DNAAF9: variants seen among roughly 807,000 people sequenced by gnomAD.
DNAAF9 encodes the protein dynein axonemal assembly factor 9.
DNAAF9 carries 90 observed loss-of-function variants against 167.0 expected under a neutral mutation model. The ratio of observed to expected loss-of-function variants is 0.54; its 90% CI spans 0.45 to 0.64. The LOEUF is 0.64. DNAAF9 is among the 30% of genes least tolerant of loss of function. DNAAF9 has a pLI of 0.00. For missense variants in DNAAF9, 1,315 were observed against 1,442.2 expected (o/e 0.91, Z 1.43); for synonymous variants, 491 against 508.8 (o/e 0.96, Z 0.47).
chr20:3,353,682 T>C (rs2123155959), intron 7 of DNAAF9, among the ~76,000 whole-genome samples: 1 of 135,262 alleles, frequency 7.4e-6, no homozygotes, highest in South Asian at 2.4e-4. Context: ...GAACACACTG[T>C]GTTTCAATTC....
In DNAAF9 at chr20:3,249,894, G is replaced by A. The variant is rs1261607628; in HGVS notation, c.*2678C>T. 1 of 151,834 alleles carries A rather than the reference G, an allele frequency of 6.6e-6. No individual in the cohort carries two copies. Among genetic ancestry groups the A allele is most frequent in the African/African-American group, 2.4e-5 (1 of 41,110 alleles). 9.4% of individuals were successfully genotyped at this position (151,834 alleles called of 1,614,324 possible). On this transcript the variant is annotated 3_prime_UTR_variant, in exon 37 of 37. Transcript: ENST00000252032. ...CAGATAGCCCCCAGGGCTCAGAGGG[G>A]CCGGCTCAACTCCTTGCCAACGGCC...
At chr20:3,309,284 T>A (rs1280493966) in intron 20 of DNAAF9, among the ~76,000 whole-genome samples, 3 of 152,252 alleles carry the variant, frequency 2.0e-5, no homozygotes, top group Admixed American at 2.0e-4. Flanking sequence ...AGTTTTCCAG[T>A]CCATGAATGG....
In DNAAF9 at chr20:3,407,649, G is replaced by T; in HGVS notation, c.-92C>A. 2 of 1,130,496 alleles carry T rather than the reference G, an allele frequency of 1.8e-6. No homozygotes were observed. Among genetic ancestry groups the T allele is most frequent in the Non-Finnish European group, 2.2e-6 (2 of 923,224 alleles). The allele number at this position is 1,130,496 out of a possible 1,614,324, so 70.0% of individuals were successfully genotyped here. A position where few individuals can be genotyped will look rare whatever the true frequency, so the allele number is the denominator to read the frequency against. On this transcript the variant is annotated 5_prime_UTR_variant, in exon 1 of 37. Coordinates refer to ENST00000252032, the MANE Select transcript of DNAAF9 (RefSeq NM_001009984.3). ...GCTCCACGCTAGCTGCGGCCGGGCG[G>T]GGCGGCAGGGCGTGCCGGGTGGGAG...
intron 23 of DNAAF9, chr20:3,295,701 A>G: frequency 1.7e-6 from 1 of 585,218 alleles, no homozygotes; most frequent in South Asian, 1.4e-5. Context: ...TGGGCCTGCA[A>G]CCGTCCCCTT....
intron 12 of DNAAF9, among the ~76,000 whole-genome samples, chr20:3,328,837 C>T (rs1229601268): frequency 6.6e-6 from 1 of 151,022 alleles, no homozygotes; most frequent in Admixed American, 6.6e-5. Context: ...CATACACATA[C>T]ACACACACGT....
chr20:3,362,285 T>G, intron 6 of DNAAF9: 2 of 1,200,240 alleles, frequency 1.7e-6, no homozygotes, highest in Non-Finnish European at 1.2e-6. Flanking sequence ...AGTTGGAAAT[T>G]GCAAGGGACT....
intron 1 of DNAAF9, among the ~76,000 whole-genome samples, chr20:3,387,541 A>G (rs980143441): frequency 1.3e-5 from 2 of 152,212 alleles, no homozygotes; most frequent in African/African-American, 4.8e-5. Flanking sequence ...AAACTTTTAT[A>G]ACAAAACACA....
rs768320154 is a variant in DNAAF9, at chr20:3,256,229, A to AC, written c.3056-19_3056-18insG. ...CTCAGAGTCTGTAAGGAGAATACACATTAGTCCCTGAGAGCCTGCCTTGAA... is the reference window on the plus strand; with the variant it reads ...CTCAGAGTCTGTAAGGAGAATACACACTTAGTCCCTGAGAGCCTGCCTTGAA... On this transcript the variant is annotated intron_variant, in intron 33 of 36. Transcript: ENST00000252032. 21 of 1,573,594 alleles carry AC rather than the reference A, an allele frequency of 1.3e-5. No homozygotes were observed. In the African/African-American group the frequency reaches 2.8e-4, roughly 21 times the overall value.
intron 6 of DNAAF9, chr20:3,360,134 C>T (rs1276010118): frequency 6.6e-6 from 1 of 152,122 alleles, no homozygotes. Flanking sequence ...TGAAGCATTC[C>T]GCATTTTCAA....
intron 30 of DNAAF9, among the ~76,000 whole-genome samples, chr20:3,269,445 A>G (rs761041446): frequency 6.6e-5 from 10 of 151,974 alleles, no homozygotes; most frequent in Non-Finnish European, 1.2e-4. Context: ...AACTCCTGCA[A>G]GGAGTTTTGG....
At position 3,315,734 on chromosome 20, in the gene DNAAF9, C is replaced by A; in HGVS notation, c.1590+1G>T. 1.2e-6 allele frequency: 2 copies of A among 1,608,996 alleles called. No homozygotes were observed. The highest frequency in any genetic ancestry group is 2.2e-5 in the South Asian group (2 of 90,992). On this transcript the variant is annotated splice_donor_variant, in intron 19 of 36. Coordinates refer to ENST00000252032, the MANE Select transcript of DNAAF9 (RefSeq NM_001009984.3). LOFTEE classifies it high-confidence loss of function. This position sits in a 1 kb window ranked among gnomAD's most constrained non-coding sequence, Gnocchi z 4.1. Reference sequence around the variant, plus strand: ...ACACTGAGAATAAGAAGGCTGCTTACCCTCACTGCTTGCTGGGTTTTCTCA... The same window carrying A: ...ACACTGAGAATAAGAAGGCTGCTTAACCTCACTGCTTGCTGGGTTTTCTCA...
chr20:3,378,058 C>T (rs2083598986), intron 3 of DNAAF9, among the ~76,000 whole-genome samples: 1 of 152,220 alleles, frequency 6.6e-6, no homozygotes, highest in Non-Finnish European at 1.5e-5. Context: ...AATGCAGTTG[C>T]AGAACGAGTC....
At chr20:3,378,358 G>A (rs1381481710) in intron 3 of DNAAF9, among the ~76,000 whole-genome samples, 2 of 152,168 alleles carry the variant, frequency 1.3e-5, no homozygotes, top group Admixed American at 6.5e-5. Context: ...AGCTTTGTAC[G>A]CAGGAAAGAC....
intron 29 of DNAAF9, among the ~76,000 whole-genome samples, chr20:3,271,596 TGTTA>T (rs139038863): frequency 0.19 from 29,504 of 151,336 alleles, 3,107 homozygotes; most frequent in African/African-American, 0.24. Context: ...TTTGCATTTT[TGTTA>T]TTCAATAATT....
In DNAAF9 at chr20:3,387,655, T is replaced by C. The variant is rs138783705; in HGVS notation, c.84-5149A>G. On this transcript the variant is annotated intron_variant, in intron 1 of 36. Coordinates refer to ENST00000252032, the MANE Select transcript of DNAAF9 (RefSeq NM_001009984.3). ...ATATATAAACTGGACATTTAAAATTTAGAACTTCTGTGCATCAAATGACAC... is the reference window on the plus strand; with the variant it reads ...ATATATAAACTGGACATTTAAAATTCAGAACTTCTGTGCATCAAATGACAC... Among the ~76,000 whole-genome samples the C allele has an allele frequency of 4.3e-3, 657 of 152,022 alleles. 8 individuals carry two copies. Among genetic ancestry groups the C allele is most frequent in the African/African-American group, 0.015 (628 of 41,478 alleles).
chr20:3,255,137 TC>T, intron 35 of DNAAF9, 81 bp downstream of exon 35: 1 of 827,242 alleles, frequency 1.2e-6, no homozygotes, highest in South Asian at 1.5e-5. Context: ...AGCTCCTCAC[TC>T]AGAGAATCCA....
rs1324124710 is a variant in DNAAF9 at position 3,350,148 on chromosome 20, G to GACACACACACACACAC, written c.691-1526_691-1525insGTGTGTGTGTGTGTGT. Among the ~76,000 whole-genome samples the GACACACACACACACAC allele has an allele frequency of 4.3e-3, 299 of 68,934 alleles. 1 individual carries two copies. The highest frequency in any genetic ancestry group is 7.7e-3 in the Non-Finnish European group (231 of 30,072). The allele number at this position is 68,934 out of a possible 152,430, so 45.2% of individuals were successfully genotyped here. On this transcript the variant is annotated intron_variant, in intron 7 of 36. Transcript: ENST00000252032. ...AGACACACAGACACACAGACACACAGACACACAGACACACACACACACACA... is the reference window on the plus strand; with the variant it reads ...AGACACACAGACACACAGACACACAGACACACACACACACACACACACAGACACACACACACACACA...
rs1032423082 is a variant in DNAAF9, at chr20:3,311,596, C to T, written c.1678+3437G>A. On this transcript the variant is annotated intron_variant, in intron 20 of 36. Coordinates refer to ENST00000252032, the MANE Select transcript of DNAAF9 (RefSeq NM_001009984.3). ...TCCACAAAGAGTCAAAATGATACTGCATGTTCATACAAAGGAATACTATAG... is the reference window on the plus strand; with the variant it reads ...TCCACAAAGAGTCAAAATGATACTGTATGTTCATACAAAGGAATACTATAG... 7.2e-5 allele frequency among the ~76,000 whole-genome samples: 11 copies of T among 152,168 alleles called. No individual in the cohort carries two copies. The South Asian group carries it at 1.0e-3, about 14-fold the overall frequency.
rs929428557 is a variant in DNAAF9, at chr20:3,251,036, G to A, written c.*1536C>T. The A allele has an allele frequency of 1.3e-5, 2 of 152,198 alleles. No homozygotes were observed. Among genetic ancestry groups the A allele is most frequent in the African/African-American group, 4.8e-5 (2 of 41,452 alleles). The allele number at this position is 152,198 out of a possible 1,614,324, so 9.4% of individuals were successfully genotyped here. On this transcript the variant is annotated 3_prime_UTR_variant, in exon 37 of 37. Coordinates refer to ENST00000252032, the MANE Select transcript of DNAAF9 (RefSeq NM_001009984.3). The stretch of plus-strand genomic sequence containing the variant: ...CACAGTGGGGCCCTTGTCATCAGTG[G>A]CTTTTGGAGCTGGGACTGGAGCACG...
Sources: allele counts gnomAD v4.1 joint callset (sites outside exome capture counted in the v4.1 genomes callset), GRCh38; gene constraint gnomAD v4.1.1; non-coding constraint Gnocchi (gnomAD v3.1); transcripts MANE v1.5; gene names NCBI Gene and HGNC (gene_info 2026-07-23, HGNC 2026-07-21).